The following UBE2E2 variants were observed in gnomAD, a reference collection of about 807,000 sequenced individuals.
UBE2E2 encodes the protein ubiquitin conjugating enzyme E2 E2, also known as ubiquitin-conjugating enzyme E2 E2.
In UBE2E2, 6 loss-of-function variants were observed where a neutral mutation model predicts 24.7. That is an observed-to-expected ratio of 0.24 (90% CI 0.13 to 0.48). UBE2E2 has a LOEUF of 0.48. UBE2E2 is among the 20% of genes least tolerant of loss of function. UBE2E2 has a pLI of 0.99. For missense variants in UBE2E2, 169 were observed against 245.0 expected, an observed-to-expected ratio of 0.69 and a Z score of 2.07; for synonymous variants, 104 against 83.6, an observed-to-expected ratio of 1.24 and a Z score of -1.33.
At chr3:23,480,465 C>T (rs537091723) in intron 3 of UBE2E2, among the ~76,000 whole-genome samples, 3 of 152,246 alleles carry the variant, frequency 2.0e-5, no homozygotes, top group East Asian at 1.9e-4. Flanking sequence ...AGGGCTCCTG[C>T]CCCGCCAGCT....
intron 3 of UBE2E2, among the ~76,000 whole-genome samples, chr3:23,439,453 A>T (rs1056140969): frequency 6.6e-6 from 1 of 152,194 alleles, no homozygotes; most frequent in African/African-American, 2.4e-5. Flanking sequence ...CTTCTTATGG[A>T]TAAGTGTTTG....
chr3:23,387,853 C>CAGAATT (rs1696838281), intron 3 of UBE2E2, among the ~76,000 whole-genome samples: 1 of 152,146 alleles, frequency 6.6e-6, no homozygotes, highest in African/African-American at 2.4e-5. Context: ...AATTGCTTAA[C>CAGAATT]AGAATTAGAC....
At chr3:23,470,320 C>G (rs1022715359) in intron 3 of UBE2E2, among the ~76,000 whole-genome samples, 4 of 152,150 alleles carry the variant, frequency 2.6e-5, no homozygotes, top group Non-Finnish European at 5.9e-5. Flanking sequence ...GAAAGATCCT[C>G]CCCCCAATCC....
intron 3 of UBE2E2, among the ~76,000 whole-genome samples, chr3:23,439,570 C>T (rs956686496): frequency 1.3e-5 from 2 of 152,162 alleles, no homozygotes; most frequent in African/African-American, 4.8e-5. Context: ...TGAGAGAGAA[C>T]GTTGAGAGGT....
chr3:23,486,445 T>C (rs923749393), intron 3 of UBE2E2, among the ~76,000 whole-genome samples: 1 of 152,114 alleles, frequency 6.6e-6, no homozygotes, highest in Non-Finnish European at 1.5e-5. Context: ...CAGCTCTTCT[T>C]TCTCTTTGCC....
intron 4 of UBE2E2, among the ~76,000 whole-genome samples, chr3:23,531,257 G>T (rs932818975): frequency 8.5e-5 from 13 of 152,148 alleles, no homozygotes; most frequent in Non-Finnish European, 1.8e-4. Flanking sequence ...CTGCATGTGT[G>T]TTTTTCTTGG....
chr3:23,578,267 C>T (rs911114854), intron 5 of UBE2E2, among the ~76,000 whole-genome samples: 1 of 151,986 alleles, frequency 6.6e-6, no homozygotes, highest in Non-Finnish European at 1.5e-5. Flanking sequence ...CTATTATTAA[C>T]AAGTCAAAAA....
chr3:23,582,879 G>GTA (rs1696518562), intron 5 of UBE2E2, among the ~76,000 whole-genome samples: 2 of 144,752 alleles, frequency 1.4e-5, no homozygotes. Context: ...GTGTGTGTGT[G>GTA]TGTGTGTGTG....
At chr3:23,216,657 A>G (rs1044649103) in intron 2 of UBE2E2, among the ~76,000 whole-genome samples, 1 of 152,150 alleles carries the variant, frequency 6.6e-6, no homozygotes, top group Admixed American at 6.6e-5. Flanking sequence ...AATGTAACAC[A>G]TGAGGATAGA....
intron 4 of UBE2E2, among the ~76,000 whole-genome samples, chr3:23,527,966 T>G (rs1695039097): frequency 6.6e-6 from 1 of 152,198 alleles, no homozygotes; most frequent in South Asian, 2.1e-4. Context: ...CTTTAGCAAA[T>G]GATTGAACCT....
At chr3:23,366,589 G>A (rs562512719) in intron 3 of UBE2E2, among the ~76,000 whole-genome samples, 2 of 152,246 alleles carry the variant, frequency 1.3e-5, no homozygotes, top group East Asian at 3.9e-4. Context: ...ACACAAATAA[G>A]GGTACAACAG....
At chr3:23,498,888 C>G (rs1325869990) in intron 3 of UBE2E2, among the ~76,000 whole-genome samples, 1 of 152,174 alleles carries the variant, frequency 6.6e-6, no homozygotes, top group African/African-American at 2.4e-5. Context: ...GCAAAATTCT[C>G]TGAAACTCAG....
In UBE2E2 at chr3:23,591,504, A is replaced by G. The variant is rs1696762586; in HGVS notation, c.*1673A>G. 2 of 152,344 alleles carry G rather than the reference A, an allele frequency of 1.3e-5. No individual in the cohort carries two copies. Among genetic ancestry groups the G allele is most frequent in the East Asian group, 1.9e-4 (1 of 5,190 alleles). 9.4% of individuals were successfully genotyped at this position (152,344 alleles called of 1,614,324 possible). A position where few individuals can be genotyped will look rare whatever the true frequency, so the allele number is the denominator to read the frequency against. On this transcript the variant is annotated 3_prime_UTR_variant, in exon 6 of 6. Transcript: ENST00000396703. Reference sequence around the variant, plus strand: ...CTTTTTAATAACGATTTTACCATTCATTTTATTTAAAAACATTTCTCAGCA... The same window carrying G: ...CTTTTTAATAACGATTTTACCATTCGTTTTATTTAAAAACATTTCTCAGCA...
chr3:23,576,146 A>C (rs1232413022), intron 5 of UBE2E2, among the ~76,000 whole-genome samples: 2 of 152,186 alleles, frequency 1.3e-5, no homozygotes, highest in Non-Finnish European at 2.9e-5. Context: ...ATTTATTATA[A>C]TGCACATCTG....
chr3:23,503,617 G>C (rs1304742888), intron 4 of UBE2E2, among the ~76,000 whole-genome samples: 1 of 152,014 alleles, frequency 6.6e-6, no homozygotes, highest in Non-Finnish European at 1.5e-5. Context: ...ACTTTGGGAG[G>C]CTGAGACAGG....
intron 3 of UBE2E2, among the ~76,000 whole-genome samples, chr3:23,271,988 G>A (rs1698256046): frequency 6.6e-6 from 1 of 152,178 alleles, no homozygotes; most frequent in Admixed American, 6.5e-5. Context: ...CCCGCGCCAG[G>A]GCCGTGGGTG....
intron 3 of UBE2E2, among the ~76,000 whole-genome samples, 164 bp downstream of exon 3, chr3:23,217,476 G>T (rs1272235593): frequency 1.3e-5 from 2 of 152,092 alleles, no homozygotes; most frequent in African/African-American, 4.8e-5. Context: ...TCATCTCTGT[G>T]CAGAAATGGA....
At chr3:23,375,889 A>C (rs1696509589) in intron 3 of UBE2E2, among the ~76,000 whole-genome samples, 1 of 152,210 alleles carries the variant, frequency 6.6e-6, no homozygotes, top group Non-Finnish European at 1.5e-5. Flanking sequence ...TTAGTGCATA[A>C]GGCAAAAATT....
chr3:23,522,520 C>T (rs1399152344), intron 4 of UBE2E2, among the ~76,000 whole-genome samples: 1 of 152,066 alleles, frequency 6.6e-6, no homozygotes, highest in African/African-American at 2.4e-5. Context: ...AAATCTAAGC[C>T]TTCAAATAGT....
Sources: gnomAD v4.1 joint callset for allele counts (sites outside exome capture counted in the v4.1 genomes callset) on GRCh38, gnomAD v4.1.1 for gene constraint, MANE v1.5 for transcripts, NCBI Gene and HGNC (gene_info 2026-07-23, HGNC 2026-07-21) for gene names.